Variants in ITGBL1 observed in about 807,000 individuals in gnomAD.
ITGBL1 encodes the protein integrin beta-like protein 1.
Under a neutral mutation model 68.5 loss-of-function variants are expected in ITGBL1, and 51 were observed. The ratio of observed to expected loss-of-function variants is 0.74; its 90% CI spans 0.59 to 0.94. ITGBL1 has a LOEUF of 0.94. Among genes scored for constraint, ITGBL1 ranks in the 40% least tolerant of loss-of-function variants. The pLI is 0.00. For synonymous variants in ITGBL1, 209 were observed against 227.3 expected, an observed-to-expected ratio of 0.92 and a Z score of 0.72; for missense variants, 649 against 647.4, an observed-to-expected ratio of 1.00 and a Z score of -0.03.
At chr13:101,529,227 A>C (rs539684162) in intron 2 of ITGBL1, among the ~76,000 whole-genome samples, 3 of 152,014 alleles carry the variant, frequency 2.0e-5, no homozygotes, top group Admixed American at 6.6e-5. Flanking sequence ...TGGAATATGA[A>C]TAAAGAACTT....
intron 2 of ITGBL1, among the ~76,000 whole-genome samples, chr13:101,541,926 TC>T (rs1229205333): frequency 6.6e-6 from 1 of 152,188 alleles, no homozygotes; most frequent in Non-Finnish European, 1.5e-5. Context: ...TTTTATTGCT[TC>T]TATTTGATTC....
Position 101,502,014 on chromosome 13 carries a change from G to A in ITGBL1, c.316+47914G>A, listed in dbSNP as rs118022633. On this transcript the variant is annotated intron_variant, in intron 2 of 10. Transcript: ENST00000376180. ...AGGGCATTTTTGGGTGAGCCTCATCGTTGAAAGAAAGTGGGATACAAACAA... is the reference window on the plus strand; with the variant it reads ...AGGGCATTTTTGGGTGAGCCTCATCATTGAAAGAAAGTGGGATACAAACAA... 5.6e-3 allele frequency among the ~76,000 whole-genome samples: 850 copies of A among 152,058 alleles called. 5 individuals carry two copies. Among genetic ancestry groups the A allele is most frequent in the Non-Finnish European group, 8.5e-3 (580 of 67,978 alleles).
chr13:101,598,471 C>T (rs925217731), intron 7 of ITGBL1, among the ~76,000 whole-genome samples, 172 bp downstream of exon 7: 2 of 151,486 alleles, frequency 1.3e-5, no homozygotes, highest in African/African-American at 4.9e-5. Context: ...TTTTAGTGTA[C>T]ATGTGCGCAA....
At chr13:101,498,595 A>G (rs1256231160) in intron 2 of ITGBL1, among the ~76,000 whole-genome samples, 1 of 152,222 alleles carries the variant, frequency 6.6e-6, no homozygotes, top group African/African-American at 2.4e-5. Flanking sequence ...AAAAATAGGA[A>G]GAGGTTAAAT....
intron 7 of ITGBL1, among the ~76,000 whole-genome samples, chr13:101,654,223 C>T (rs954661551): frequency 1.3e-5 from 2 of 152,212 alleles, no homozygotes; most frequent in Admixed American, 6.5e-5. Context: ...TGAAAACAGA[C>T]CATGCAGGGC....
chr13:101,675,941 A>T (rs1456825752), intron 7 of ITGBL1, among the ~76,000 whole-genome samples: 1 of 152,124 alleles, frequency 6.6e-6, no homozygotes, highest in Non-Finnish European at 1.5e-5. Context: ...TCTACCATCG[A>T]ATATCCTTAT....
chr13:101,572,658 G>A (rs987907041), intron 3 of ITGBL1, among the ~76,000 whole-genome samples: 1 of 152,068 alleles, frequency 6.6e-6, no homozygotes, highest in Non-Finnish European at 1.5e-5. Flanking sequence ...TGGAGGCTCC[G>A]TTGTGAATTC....
At chr13:101,679,673 G>A (rs527362988) in intron 7 of ITGBL1, among the ~76,000 whole-genome samples, 60 of 152,180 alleles carry the variant, frequency 3.9e-4, no homozygotes, top group Middle Eastern at 3.4e-3. Flanking sequence ...AATTTATAGC[G>A]TTTTTGTTAG....
intron 3 of ITGBL1, among the ~76,000 whole-genome samples, chr13:101,572,738 A>G (rs1249113118): frequency 3.3e-5 from 5 of 152,118 alleles, no homozygotes; most frequent in African/African-American, 4.8e-5. Context: ...AATGTTTCCG[A>G]TGTGTGGATG....
At chr13:101,530,510 A>G (rs1397971657) in intron 2 of ITGBL1, among the ~76,000 whole-genome samples, 1 of 152,196 alleles carries the variant, frequency 6.6e-6, no homozygotes, top group Non-Finnish European at 1.5e-5. Context: ...ACTGTCTTCT[A>G]GTTTCCCAGC....
intron 3 of ITGBL1, among the ~76,000 whole-genome samples, chr13:101,568,612 G>A (rs2050219375): frequency 6.6e-6 from 1 of 152,168 alleles, no homozygotes; most frequent in Non-Finnish European, 1.5e-5. Context: ...GTGTGGCCTT[G>A]ACGTTGGTGG....
At chr13:101,487,839 C>T (rs1205512985) in intron 2 of ITGBL1, among the ~76,000 whole-genome samples, 1 of 152,204 alleles carries the variant, frequency 6.6e-6, no homozygotes, top group Non-Finnish European at 1.5e-5. Context: ...TATTTCCTTA[C>T]AGTTCATTAA....
At chr13:101,662,528 A>G (rs2033112949) in intron 7 of ITGBL1, among the ~76,000 whole-genome samples, 1 of 152,158 alleles carries the variant, frequency 6.6e-6, no homozygotes, top group South Asian at 2.1e-4. Context: ...CATTACCAAT[A>G]TAGACATAAT....
At chr13:101,513,714 A>G (rs996068689) in intron 2 of ITGBL1, among the ~76,000 whole-genome samples, 2 of 152,130 alleles carry the variant, frequency 1.3e-5, no homozygotes, top group South Asian at 2.1e-4. Flanking sequence ...ACTTCAAATT[A>G]ATGAAGAACC....
chr13:101,677,596 T>C (rs1041720075), intron 7 of ITGBL1, among the ~76,000 whole-genome samples: 1 of 152,152 alleles, frequency 6.6e-6, no homozygotes, highest in African/African-American at 2.4e-5. Context: ...CGACCAACCT[T>C]TATGAAATAT....
intron 7 of ITGBL1, among the ~76,000 whole-genome samples, chr13:101,657,508 G>T (rs958815606): frequency 6.6e-6 from 1 of 151,904 alleles, no homozygotes; most frequent in Non-Finnish European, 1.5e-5. Context: ...CATTTTATAT[G>T]GGTCCCATTC....
At chr13:101,684,782 T>C (rs1471668583) in intron 7 of ITGBL1, among the ~76,000 whole-genome samples, 1 of 151,974 alleles carries the variant, frequency 6.6e-6, no homozygotes, top group Non-Finnish European at 1.5e-5. Flanking sequence ...CTAATCCAAA[T>C]AGAAGGTTTT....
intron 2 of ITGBL1, among the ~76,000 whole-genome samples, chr13:101,504,823 G>A (rs2049002097): frequency 6.6e-6 from 1 of 152,146 alleles, no homozygotes; most frequent in Non-Finnish European, 1.5e-5. Flanking sequence ...GTTTTAGGGG[G>A]AAAATATACC....
At chr13:101,546,139 C>T (rs1406455261) in intron 2 of ITGBL1, among the ~76,000 whole-genome samples, 2 of 151,974 alleles carry the variant, frequency 1.3e-5, no homozygotes, top group South Asian at 2.1e-4. Flanking sequence ...CCTTTATGAA[C>T]GTTAGAACAT....
Sources: allele counts gnomAD v4.1 joint callset (sites outside exome capture counted in the v4.1 genomes callset), GRCh38; gene constraint gnomAD v4.1.1; transcripts MANE v1.5; gene names NCBI Gene and HGNC (gene_info 2026-07-23, HGNC 2026-07-21).